GRM8: variants seen among roughly 807,000 people sequenced by gnomAD.
GRM8 encodes metabotropic glutamate receptor 8.
A neutral mutation model predicts 87.2 loss-of-function variants in GRM8; 47 were observed. The ratio of observed to expected loss-of-function variants is 0.54; its 90% confidence interval spans 0.43 to 0.69. The LOEUF is 0.69. GRM8 is among the 30% of genes least tolerant of loss of function. GRM8 has a pLI of 0.00. For synonymous variants in GRM8, 396 were observed against 404.5 expected (o/e 0.98, Z 0.25); for missense variants, 1,019 against 1,139.2 (o/e 0.89, Z 1.52).
At chr7:127,102,715 C>G (rs1279210827) in intron 3 of GRM8, among the ~76,000 whole-genome samples, 1 of 152,182 alleles carries the variant, frequency 6.6e-6, no homozygotes, top group Admixed American at 6.5e-5. Flanking sequence ...AAAGCCTGGG[C>G]ACCCAGGAAG....
intron 7 of GRM8, among the ~76,000 whole-genome samples, chr7:126,686,493 T>C (rs1015653656): frequency 6.6e-6 from 1 of 152,200 alleles, no homozygotes; most frequent in Middle Eastern, 3.4e-3. Context: ...GTTCCTGACA[T>C]CTCCAAGCTT....
intron 2 of GRM8, among the ~76,000 whole-genome samples, chr7:127,163,595 T>A (rs1324096417): frequency 6.6e-6 from 1 of 152,192 alleles, no homozygotes; most frequent in Non-Finnish European, 1.5e-5. Flanking sequence ...TATCCATGTA[T>A]AAGAATGATA....
At chr7:126,487,098 C>T (rs1031676669) in intron 9 of GRM8, among the ~76,000 whole-genome samples, 2 of 151,940 alleles carry the variant, frequency 1.3e-5, no homozygotes, top group Non-Finnish European at 1.5e-5. Flanking sequence ...AGTGTGCATA[C>T]TTAGTGTTCT....
intron 6 of GRM8, among the ~76,000 whole-genome samples, chr7:126,826,748 T>C (rs1474494102): frequency 4.6e-5 from 7 of 152,272 alleles, no homozygotes; most frequent in African/African-American, 1.7e-4. Context: ...ATTTTGGCTT[T>C]TGTTGCCATT....
intron 7 of GRM8, among the ~76,000 whole-genome samples, chr7:126,750,811 T>C (rs1259923636): frequency 6.6e-6 from 1 of 152,072 alleles, no homozygotes; most frequent in Non-Finnish European, 1.5e-5. Context: ...ACACATATTT[T>C]TTTCACTAAT....
intron 6 of GRM8, among the ~76,000 whole-genome samples, chr7:126,859,902 A>C (rs1162531415): frequency 1.3e-5 from 2 of 152,180 alleles, no homozygotes; most frequent in African/African-American, 4.8e-5. Flanking sequence ...AACTGGGAAG[A>C]GTGAAAGGAA....
intron 3 of GRM8, chr7:127,058,249 AGTTT>A: frequency 2.3e-6 from 1 of 431,442 alleles, no homozygotes; most frequent in Non-Finnish European, 4.7e-6. Flanking sequence ...AGAGCTTTAA[AGTTT>A]CTCTTTGTTC....
intron 3 of GRM8, chr7:126,980,821 T>C (rs1487696479): frequency 1.3e-5 from 2 of 152,216 alleles, no homozygotes; most frequent in Non-Finnish European, 2.9e-5. Context: ...AAAAGGTTTA[T>C]TGTCTCAATT....
rs547403168 is a variant in GRM8 at position 126,586,633 on chromosome 7, G to A, written c.1494+22729C>T. 2.6e-5 allele frequency among the ~76,000 whole-genome samples: 4 copies of A among 152,300 alleles called. No homozygotes were observed. The South Asian group carries it at 8.3e-4, about 32-fold the overall frequency. ...TGGGAAAACTGGATAGCCATATGTAGAAAGCTCAAACTGGATCCCTTCCTT... is the reference window on the plus strand; with the variant it reads ...TGGGAAAACTGGATAGCCATATGTAAAAAGCTCAAACTGGATCCCTTCCTT... On this transcript the variant is annotated intron_variant, in intron 8 of 10. Coordinates refer to ENST00000339582, the MANE Select transcript of GRM8 (RefSeq NM_000845.3).
chr7:127,153,379 A>G (rs1270837589), intron 2 of GRM8, among the ~76,000 whole-genome samples: 1 of 152,190 alleles, frequency 6.6e-6, no homozygotes, highest in Non-Finnish European at 1.5e-5. Context: ...ATGAGAATGT[A>G]GAAGATCAAA....
intron 3 of GRM8, among the ~76,000 whole-genome samples, chr7:126,935,782 C>A (rs915926092): frequency 6.6e-6 from 1 of 152,170 alleles, no homozygotes; most frequent in Non-Finnish European, 1.5e-5. Context: ...ATATGTATAC[C>A]TTTGAAACCA....
chr7:127,242,246 A>G (rs948076330), intron 2 of GRM8, among the ~76,000 whole-genome samples: 3 of 152,220 alleles, frequency 2.0e-5, no homozygotes, highest in African/African-American at 7.2e-5. Flanking sequence ...CTGTTTCTTC[A>G]TGAACAAACT....
chr7:126,928,015 C>A (rs557736161), intron 3 of GRM8, among the ~76,000 whole-genome samples: 1 of 152,062 alleles, frequency 6.6e-6, no homozygotes, highest in Admixed American at 6.5e-5. Context: ...GGCACATATA[C>A]GTCATGGAAT....
At chr7:126,574,032 G>A (rs930247665) in intron 8 of GRM8, among the ~76,000 whole-genome samples, 3 of 152,216 alleles carry the variant, frequency 2.0e-5, no homozygotes, top group African/African-American at 7.2e-5. Flanking sequence ...GTCTGGAGAA[G>A]TGAAATCAGA....
intron 9 of GRM8, among the ~76,000 whole-genome samples, chr7:126,458,329 G>A (rs1454435723): frequency 1.3e-5 from 2 of 151,006 alleles, no homozygotes; most frequent in Non-Finnish European, 3.0e-5. Context: ...ATTATAATAA[G>A]CCAAGTTGAA....
intron 6 of GRM8, among the ~76,000 whole-genome samples, chr7:126,798,913 A>G (rs1822310859): frequency 6.6e-6 from 1 of 152,152 alleles, no homozygotes; most frequent in South Asian, 2.1e-4. Flanking sequence ...AGAAAGAACA[A>G]CAGTGATAAT....
At chr7:126,761,207 TAA>T (rs1277249609) in intron 7 of GRM8, among the ~76,000 whole-genome samples, 1 of 140,890 alleles carries the variant, frequency 7.1e-6, no homozygotes, top group African/African-American at 2.6e-5. Context: ...CTTAAAAAAT[TAA>T]AAAAAAAAAA....
chr7:126,458,891 A>C (rs1803566652), intron 9 of GRM8, among the ~76,000 whole-genome samples: 1 of 151,326 alleles, frequency 6.6e-6, no homozygotes, highest in Non-Finnish European at 1.5e-5. Flanking sequence ...AACAGTATGT[A>C]TGAAAACTTG....
At chr7:127,222,957 A>C (rs1797027555) in intron 2 of GRM8, among the ~76,000 whole-genome samples, 1 of 152,186 alleles carries the variant, frequency 6.6e-6, no homozygotes, top group South Asian at 2.1e-4. Flanking sequence ...TCGTACAAGA[A>C]TTAATGGACG....
Sources: allele counts gnomAD v4.1 joint callset (sites outside exome capture counted in the v4.1 genomes callset), GRCh38; gene constraint gnomAD v4.1.1; transcripts MANE v1.5; gene names NCBI Gene and HGNC (gene_info 2026-07-23, HGNC 2026-07-21).